Variants in FRAS1 observed in about 807,000 individuals in gnomAD.
FRAS1 encodes Fraser extracellular matrix complex subunit 1, also known as extracellular matrix organizing protein FRAS1.
In FRAS1, 290 loss-of-function variants were observed where a neutral mutation model predicts 435.2. The ratio of observed to expected loss-of-function variants is 0.67; its 90% CI spans 0.61 to 0.73. FRAS1 has a LOEUF of 0.73. Ranked by LOEUF, FRAS1 falls within the 30% of genes least tolerant of loss-of-function variation. The pLI is 0.00. For synonymous variants in FRAS1, 1,800 were observed against 1,851.0 expected, an observed-to-expected ratio of 0.97 and a Z score of 0.71; for missense variants, 4,860 against 5,001.5, an observed-to-expected ratio of 0.97 and a Z score of 0.85.
chr4:78,073,613 A>G (rs1251424756), intron 2 of FRAS1, among the ~76,000 whole-genome samples: 2 of 152,218 alleles, frequency 1.3e-5, no homozygotes, highest in Non-Finnish European at 2.9e-5. Flanking sequence ...ATGCATGTGT[A>G]TATATGTATA....
intron 2 of FRAS1, among the ~76,000 whole-genome samples, chr4:78,176,231 A>T (rs990371639): frequency 2.6e-5 from 4 of 152,226 alleles, no homozygotes; most frequent in Admixed American, 2.6e-4. Context: ...AAGAAAAAGG[A>T]CTGAAAACTA....
intron 2 of FRAS1, among the ~76,000 whole-genome samples, chr4:78,166,912 G>T (rs1275710507): frequency 6.6e-6 from 1 of 152,112 alleles, no homozygotes; most frequent in Non-Finnish European, 1.5e-5. Flanking sequence ...GTGATCCTGG[G>T]AGCCATAGAT....
intron 41 of FRAS1, among the ~76,000 whole-genome samples, chr4:78,444,769 C>T (rs1718738565): frequency 6.6e-6 from 1 of 152,172 alleles, no homozygotes; most frequent in Non-Finnish European, 1.5e-5. Flanking sequence ...GTAATCTGAG[C>T]CAGCATTTTC....
At chr4:78,398,720 C>T (rs113286576) in intron 29 of FRAS1, among the ~76,000 whole-genome samples, 2,150 of 152,234 alleles carry the variant, frequency 0.014, 45 homozygotes, top group African/African-American at 0.049. Context: ...CATGGTGGCT[C>T]ACGCCTGTAA....
At chr4:78,190,410 T>C (rs533149044) in intron 2 of FRAS1, among the ~76,000 whole-genome samples, 1 of 152,180 alleles carries the variant, frequency 6.6e-6, no homozygotes, top group Non-Finnish European at 1.5e-5. Context: ...GAACTGGTCA[T>C]TTCTCCCACC....
intron 2 of FRAS1, among the ~76,000 whole-genome samples, chr4:78,153,430 G>A (rs780393430): frequency 2.0e-4 from 30 of 152,274 alleles, no homozygotes; most frequent in Admixed American, 1.6e-3. Context: ...TAACAAACCA[G>A]ATTATACCTC....
chr4:78,452,582 A>G (rs923183209), intron 47 of FRAS1, among the ~76,000 whole-genome samples: 2 of 152,224 alleles, frequency 1.3e-5, no homozygotes, highest in Non-Finnish European at 2.9e-5. Context: ...AAAATTTTCT[A>G]TATGCAATCT....
At chr4:78,504,309 T>G (rs1397373659) in intron 61 of FRAS1, among the ~76,000 whole-genome samples, 4 of 152,178 alleles carry the variant, frequency 2.6e-5, no homozygotes, top group Non-Finnish European at 5.9e-5. Flanking sequence ...TAATATTGAC[T>G]GACAGTGGAG....
At chr4:78,286,880 G>A (rs1727632870) in intron 14 of FRAS1, among the ~76,000 whole-genome samples, 1 of 151,904 alleles carries the variant, frequency 6.6e-6, no homozygotes, top group Admixed American at 6.6e-5. Flanking sequence ...AATTTAATTT[G>A]TTTGTTTATA....
At chr4:78,326,529 T>C (rs1325613425) in intron 18 of FRAS1, among the ~76,000 whole-genome samples, 1 of 152,168 alleles carries the variant, frequency 6.6e-6, no homozygotes, top group Non-Finnish European at 1.5e-5. Flanking sequence ...TAGGATGAGC[T>C]TAGAAGTAGA....
intron 2 of FRAS1, among the ~76,000 whole-genome samples, chr4:78,067,708 A>G (rs4859910): frequency 0.012 from 1,600 of 135,532 alleles, 24 homozygotes; most frequent in African/African-American, 0.027. Flanking sequence ...TATTATTATT[A>G]TTATTTGTAA....
chr4:78,441,221 T>C lies in FRAS1; in HGVS notation c.5589T>C (p.Asp1863=). 6.2e-7 allele frequency: 1 copy of C among 1,613,840 alleles called. No homozygotes were observed. Among genetic ancestry groups the C allele is most frequent in the African/African-American group, 1.3e-5 (1 of 75,046 alleles). Residue 1863 remains aspartate, a synonymous_variant, in exon 41 of 74, where the codon GAT becomes GAC. Transcript: ENST00000512123. ...ACCATTTTTTTGCTACTGATGATGA[T>C]GACAACCTCCAGAGAGATGCCATCA... The part of the protein sequence containing the change: ...SFHHFFATDD[D]DNLQRDAIIK...
At position 78,475,468 on chromosome 4, in the gene FRAS1, C is replaced by T. The variant is rs1280248933; in HGVS notation, c.7713C>T (p.Val2571=). 2.5e-6 allele frequency: 4 copies of T among 1,613,934 alleles called. No homozygotes were observed. Among genetic ancestry groups the T allele is most frequent in the Non-Finnish European group, 3.4e-6 (4 of 1,179,852 alleles). ...SYNVSEKAGS[V]SVTVQRTGNL... ...ATGTCAGTGAGAAGGCAGGGTCTGT[C>T]AGTGTCACGGTGCAGAGGACTGGGA... Residue 2571 remains valine (V), a synonymous_variant, in exon 54 of 74, where the codon GTC becomes GTT. Transcript: ENST00000512123.
At chr4:78,260,308 C>A (rs1413706904) in intron 6 of FRAS1, among the ~76,000 whole-genome samples, 1 of 151,954 alleles carries the variant, frequency 6.6e-6, no homozygotes, top group African/African-American at 2.4e-5. Flanking sequence ...TGGCCATTTT[C>A]ACCATATTGA....
At chr4:78,085,727 A>G (rs1032113455) in intron 2 of FRAS1, among the ~76,000 whole-genome samples, 3 of 152,192 alleles carry the variant, frequency 2.0e-5, no homozygotes, top group Non-Finnish European at 4.4e-5. Context: ...CGAGCCAACT[A>G]TCCTAAATAT....
At position 78,540,935 on chromosome 4, in the gene FRAS1, C is replaced by T. The variant is rs1014001355; in HGVS notation, c.11850C>T (p.Thr3950=). The T allele has an allele frequency of 1.2e-6, 2 of 1,613,708 alleles. No homozygotes were observed. The highest frequency in any genetic ancestry group is 2.7e-5 in the African/African-American group (2 of 74,838). The change falls in exon 74 of 74, where the codon ACC becomes ACT. Residue 3950 remains threonine (T), a synonymous_variant. Transcript: ENST00000512123. ...TTTTGGAAGAATATCCTCTGAATAC[C>T]AAGGTAGAAGTGCCCAAGAGGCACC... ...EDILEEYPLN[T]KVEVPKRHPD...
chr4:78,413,034 A>G lies in FRAS1; in HGVS notation c.4374A>G (p.Pro1458=). ...ESHMFNIAIL[P]QTPEAPKVSL... ...ACATGTTCAACATCGCGATCTTACC[A>G]CAGACACCTGAAGCACCTAAAGTGT... The change falls in exon 32 of 74, where the codon CCA becomes CCG. Residue 1458 remains proline (P), a synonymous_variant. Transcript: ENST00000512123. 6.2e-7 allele frequency: 1 copy of G among 1,611,550 alleles called. No homozygotes were observed. Among genetic ancestry groups the G allele is most frequent in the Non-Finnish European group, 8.5e-7 (1 of 1,178,890 alleles).
Position 78,432,366 on chromosome 4 carries a change from T to C in FRAS1, c.4979T>C (p.Phe1660Ser), listed in dbSNP as rs537211581. 1 of 1,595,822 alleles carries C rather than the reference T, an allele frequency of 6.3e-7. No individual in the cohort carries two copies. Among genetic ancestry groups the C allele is most frequent in the Middle Eastern group, 1.7e-4 (1 of 6,008 alleles). Residue 1660 changes from phenylalanine to serine, a missense_variant, in exon 38 of 74, where the codon TTC becomes TCC. By Grantham distance (155) the Phe-to-Ser change is radical. Transcript: ENST00000512123. ...GTTTTATTCTTGGAAGGTGACACTT[T>C]CACCTATGAGGATGTTGAGAAAAAT... ...FRRPMATGDT[F>S]TYEDVEKNAL...
chr4:78,384,719 C>G (rs1732152353), intron 28 of FRAS1, among the ~76,000 whole-genome samples: 1 of 149,800 alleles, frequency 6.7e-6, no homozygotes. Context: ...CATGGCGAAA[C>G]CCCGTCTATA....
Sources: allele counts gnomAD v4.1 joint callset (sites outside exome capture counted in the v4.1 genomes callset), GRCh38; gene constraint gnomAD v4.1.1; transcripts MANE v1.5; gene names NCBI Gene and HGNC (gene_info 2026-07-23, HGNC 2026-07-21).